Variants in GPHN observed in about 807,000 individuals in gnomAD.
GPHN encodes the protein gephyrin.
GPHN carries 17 observed loss-of-function variants against 95.5 expected under a neutral mutation model. The ratio of observed to expected loss-of-function variants is 0.18; its 90% CI spans 0.12 to 0.27. The LOEUF (loss-of-function observed/expected upper bound fraction) is 0.27, where lower values mean the gene tolerates loss of function less well. GPHN is among the 10% of genes least tolerant of loss of function. The probability of loss-of-function intolerance (pLI) is 1.00; values close to 1 mark genes in which losing one functional copy is unlikely to be tolerated. For missense variants in GPHN, 660 were observed against 978.1 expected, an observed-to-expected ratio of 0.67 and a Z score of 4.34; for synonymous variants, 320 against 322.5, an observed-to-expected ratio of 0.99 and a Z score of 0.08.
chr14:66,538,141 T>C (rs925916859), intron 1 of GPHN, among the ~76,000 whole-genome samples: 1 of 152,204 alleles, frequency 6.6e-6, no homozygotes, highest in Admixed American at 6.5e-5. Context: ...CTGAATCTTT[T>C]ATTCTTATAG....
At chr14:67,457,430 G>C in the GPHN span, among the ~76,000 whole-genome samples, 2 of 152,184 alleles carry the variant, frequency 1.3e-5, no homozygotes, top group Non-Finnish European at 1.5e-5. Context: ...GAGAGACCCT[G>C]TCTCTGCAAA....
rs757679565 is a variant in GPHN at position 67,070,304 on chromosome 14, A to G, written c.1144+11518A>G. 6.4e-4 allele frequency among the ~76,000 whole-genome samples: 93 copies of G among 145,082 alleles called. 1 individual carries two copies. The highest frequency in any genetic ancestry group is 1.3e-3 in the Admixed American group (19 of 14,350). ...TATATATATGTTTGTGTGTGTGTGT[A>G]TATATATATACATTTTAAATATTTT... On this transcript the variant is annotated intron_variant, in intron 11 of 22. Transcript: ENST00000478722.
At chr14:67,710,968 C>G in the GPHN span, among the ~76,000 whole-genome samples, 1 of 152,118 alleles carries the variant, frequency 6.6e-6, no homozygotes, top group African/African-American at 2.4e-5. Context: ...AAAATTATAA[C>G]TGAGACAGTG....
chr14:67,288,478 C>T, the GPHN span, among the ~76,000 whole-genome samples: 15 of 152,188 alleles, frequency 9.9e-5, no homozygotes, highest in East Asian at 7.7e-4. Flanking sequence ...GATTTCTTGA[C>T]GCCAGGAGTT....
chr14:67,717,201 G>A, the GPHN span, among the ~76,000 whole-genome samples: 1 of 152,076 alleles, frequency 6.6e-6, no homozygotes, highest in African/African-American at 2.4e-5. Context: ...GTATATATTT[G>A]CTGTTTTGAC....
At chr14:67,351,807 C>T in the GPHN span, among the ~76,000 whole-genome samples, 7 of 151,290 alleles carry the variant, frequency 4.6e-5, no homozygotes, top group East Asian at 1.4e-3. Context: ...AGGCATGAGT[C>T]ACCACACCTA....
chr14:67,165,761 A>G (rs1323318411), intron 20 of GPHN, among the ~76,000 whole-genome samples: 1 of 152,114 alleles, frequency 6.6e-6, no homozygotes, highest in Non-Finnish European at 1.5e-5. Context: ...GCCAAATCCT[A>G]CTCATCATCA....
At chr14:67,591,753 G>C in the GPHN span, 1 of 151,622 alleles carries the variant, frequency 6.6e-6, no homozygotes, top group Non-Finnish European at 1.5e-5. Flanking sequence ...GGCTGGTCTC[G>C]AACTCCTGAG....
chr14:67,193,492 T>G, the GPHN span, among the ~76,000 whole-genome samples: 29 of 135,744 alleles, frequency 2.1e-4, no homozygotes, highest in Admixed American at 7.5e-4. Flanking sequence ...CAGATAGCTA[T>G]ATATCTAGAT....
At chr14:67,584,722 G>A in the GPHN span, among the ~76,000 whole-genome samples, 1 of 152,230 alleles carries the variant, frequency 6.6e-6, no homozygotes, top group Non-Finnish European at 1.5e-5. Context: ...GTTGTTTGAG[G>A]TTATAAGAAG....
chr14:67,669,164 T>G, the GPHN span, among the ~76,000 whole-genome samples: 1 of 152,126 alleles, frequency 6.6e-6, no homozygotes, highest in Non-Finnish European at 1.5e-5. Context: ...CTGTCCAAGG[T>G]CACACTGCTA....
chr14:66,584,722 A>T (rs1321125175), intron 1 of GPHN, among the ~76,000 whole-genome samples: 1 of 152,148 alleles, frequency 6.6e-6, no homozygotes, highest in East Asian at 1.9e-4. Context: ...CCAGCCTTGC[A>T]TCCCCGGGAT....
At chr14:66,953,511 G>T (rs1244468170) in intron 8 of GPHN, among the ~76,000 whole-genome samples, 1 of 152,148 alleles carries the variant, frequency 6.6e-6, no homozygotes, top group African/African-American at 2.4e-5. Flanking sequence ...TATGGTGTAA[G>T]GCAAGGCTTC....
At chr14:67,431,121 G>C in the GPHN span, among the ~76,000 whole-genome samples, 2 of 152,094 alleles carry the variant, frequency 1.3e-5, no homozygotes, top group Non-Finnish European at 1.5e-5. Flanking sequence ...TAGGCTGGGC[G>C]TGGTGGCTCA....
chr14:67,313,304 A>T, the GPHN span, among the ~76,000 whole-genome samples: 2 of 152,212 alleles, frequency 1.3e-5, no homozygotes, highest in Non-Finnish European at 2.9e-5. Context: ...AACGACAGGG[A>T]TAAGTTCTGA....
the GPHN span, chr14:67,203,098 A>G: frequency 1.7e-5 from 28 of 1,612,106 alleles, no homozygotes; most frequent in Non-Finnish European, 2.4e-5. Flanking sequence ...ACTCAGGTCA[A>G]CAGAAGAGGT....
chr14:67,036,301 T>C (rs1290344189), intron 10 of GPHN, among the ~76,000 whole-genome samples: 1 of 151,744 alleles, frequency 6.6e-6, no homozygotes, highest in Non-Finnish European at 1.5e-5. Flanking sequence ...CTTTTTTTTT[T>C]TAAGATCAAG....
chr14:66,700,923 A>G (rs2068496436), intron 2 of GPHN, among the ~76,000 whole-genome samples: 2 of 152,008 alleles, frequency 1.3e-5, no homozygotes, highest in African/African-American at 4.8e-5. Flanking sequence ...ACCATCTAAA[A>G]AAAAAAACTA....
the GPHN span, chr14:67,200,109 C>T: frequency 9.6e-7 from 1 of 1,039,408 alleles, no homozygotes; most frequent in East Asian, 2.4e-5. Context: ...CTCCAATGGG[C>T]ATGCCCCCCC....
Sources: allele counts gnomAD v4.1 joint callset (sites outside exome capture counted in the v4.1 genomes callset), GRCh38; gene constraint gnomAD v4.1.1; transcripts MANE v1.5; gene names NCBI Gene and HGNC (gene_info 2026-07-23, HGNC 2026-07-21).